The following TMEM144 variants were observed in gnomAD, a reference collection of about 807,000 sequenced individuals.
TMEM144 encodes the protein transmembrane protein 144.
A neutral mutation model predicts 43.6 loss-of-function variants in TMEM144; 39 were observed. The observed-to-expected ratio is 0.90, with a 90% CI of 0.69 to 1.17. The LOEUF (loss-of-function observed/expected upper bound fraction) is 1.17, where lower values mean the gene tolerates loss of function less well. Among genes scored for constraint, TMEM144 ranks in the 50% most tolerant of loss-of-function variants. TMEM144 has a pLI of 0.00. For missense variants in TMEM144, 417 were observed against 411.9 expected (o/e 1.01, Z -0.11); for synonymous variants, 154 against 133.6 (o/e 1.15, Z -1.06).
intron 7 of TMEM144, chr4:158,233,348 G>A (rs948898795): frequency 6.4e-6 from 1 of 156,428 alleles, no homozygotes; most frequent in Non-Finnish European, 1.4e-5. Flanking sequence ...TTGGTCCAGG[G>A]GAGAATAGAC....
chr4:158,233,608 C>T (rs778011288), intron 7 of TMEM144: 4 of 152,336 alleles, frequency 2.6e-5, no homozygotes, highest in Non-Finnish European at 5.9e-5. Flanking sequence ...TGAACCCAGG[C>T]TCTAATCCTT....
intron 6 of TMEM144, among the ~76,000 whole-genome samples, chr4:158,221,394 C>T (rs1262298679): frequency 6.6e-6 from 1 of 152,144 alleles, no homozygotes; most frequent in African/African-American, 2.4e-5. Context: ...GCAAGTGCCT[C>T]CCCCTGGCAG....
chr4:158,226,785 G>A (rs1734792886), intron 6 of TMEM144, among the ~76,000 whole-genome samples: 1 of 151,800 alleles, frequency 6.6e-6, no homozygotes, highest in Non-Finnish European at 1.5e-5. Flanking sequence ...TTAACTTTCT[G>A]ACTTATTACA....
chr4:158,248,093 A>G (rs1204957743), intron 12 of TMEM144, among the ~76,000 whole-genome samples: 1 of 150,664 alleles, frequency 6.6e-6, no homozygotes, highest in East Asian at 1.9e-4. Flanking sequence ...TATTAAAAGA[A>G]GAGAGAGGGC....
intron 12 of TMEM144, among the ~76,000 whole-genome samples, chr4:158,251,777 C>G (rs890901811): frequency 1.3e-5 from 2 of 152,122 alleles, no homozygotes; most frequent in African/African-American, 4.8e-5. Context: ...ATATTCCACC[C>G]CTCGGCTAAA....
chr4:158,253,558 G>A lies in TMEM144; in HGVS notation c.*31G>A. 1 of 1,571,414 alleles carries A rather than the reference G, an allele frequency of 6.4e-7. No homozygotes were observed. The highest frequency in any genetic ancestry group is 2.2e-5 in the East Asian group (1 of 44,648). ...ACAAAACCAGCAGGTGGCAGCAGTAGTTAAGAGAACGCGTCTATCGGACAG... is the reference window on the plus strand; with the variant it reads ...ACAAAACCAGCAGGTGGCAGCAGTAATTAAGAGAACGCGTCTATCGGACAG... On this transcript the variant is annotated 3_prime_UTR_variant, in exon 13 of 13. Coordinates refer to ENST00000296529, the MANE Select transcript of TMEM144 (RefSeq NM_018342.5).
At chr4:158,236,071 T>C (rs938517392) in intron 8 of TMEM144, among the ~76,000 whole-genome samples, 2 of 152,236 alleles carry the variant, frequency 1.3e-5, no homozygotes, top group Non-Finnish European at 2.9e-5. Flanking sequence ...TGTTCTGTTT[T>C]TTGGACTTCC....
intron 6 of TMEM144, among the ~76,000 whole-genome samples, chr4:158,227,827 C>T (rs1734851545): frequency 6.7e-6 from 1 of 149,600 alleles, no homozygotes; most frequent in Non-Finnish European, 1.5e-5. Flanking sequence ...CAATGCTGGC[C>T]AGTCTACTTT....
At chr4:158,217,553 A>G (rs1232857601) in intron 5 of TMEM144, 133 bp downstream of exon 5, 2 of 608,458 alleles carry the variant, frequency 3.3e-6, no homozygotes, top group Non-Finnish European at 5.8e-6. Context: ...TACACATCAT[A>G]TATGCCACCT....
At chr4:158,222,045 T>C (rs1734533810) in intron 6 of TMEM144, among the ~76,000 whole-genome samples, 1 of 152,220 alleles carries the variant, frequency 6.6e-6, no homozygotes, top group Non-Finnish European at 1.5e-5. Context: ...TCATCTTTAT[T>C]TTTTTCCCTT....
intron 4 of TMEM144, 133 bp downstream of exon 4, chr4:158,215,446 TTTC>T (rs1734176970): frequency 1.8e-6 from 2 of 1,129,992 alleles, no homozygotes; most frequent in Non-Finnish European, 2.4e-6. Context: ...AATTAACTAG[TTTC>T]TTGCCTTCAC....
rs762271404 is a variant in TMEM144, at chr4:158,232,946, G to A, written c.459G>A (p.Thr153=). ...TCAAAAGTGAAATACCAAATAACACGTGTTCCATGGATACCACTCCATTAA... is the reference window on the plus strand; with the variant it reads ...TCAAAAGTGAAATACCAAATAACACATGTTCCATGGATACCACTCCATTAA... The part of the protein sequence containing the change: ...LFIKSEIPNN[T]CSMDTTPLIT... Residue 153 remains threonine (T), a synonymous_variant, in exon 7 of 13, where the codon ACG becomes ACA. Coordinates refer to ENST00000296529, the MANE Select transcript of TMEM144 (RefSeq NM_018342.5). 42 of 1,611,410 alleles carry A rather than the reference G, an allele frequency of 2.6e-5. No individual in the cohort carries two copies. Among genetic ancestry groups the A allele is most frequent in the Middle Eastern group, 1.7e-4 (1 of 6,044 alleles).
At chr4:158,212,079 C>T (rs1279871234) in intron 2 of TMEM144, 3 of 152,146 alleles carry the variant, frequency 2.0e-5, no homozygotes, top group Non-Finnish European at 2.9e-5. Context: ...TTCCAAAGGG[C>T]CAGTGTGCAA....
Position 158,219,290 on chromosome 4 carries a change from G to A in TMEM144, c.333-20G>A. 3 of 1,612,706 alleles carry A rather than the reference G, an allele frequency of 1.9e-6. No homozygotes were observed. The highest frequency in any genetic ancestry group is 2.5e-6 in the Non-Finnish European group (3 of 1,178,888). On this transcript the variant is annotated intron_variant, in intron 5 of 12. Coordinates refer to ENST00000296529, the MANE Select transcript of TMEM144 (RefSeq NM_018342.5). The stretch of plus-strand genomic sequence containing the variant: ...ACATCTTAACAATATTTAATTTGAT[G>A]TGACTTTCTGGATTTTCAGGTTTGG...
intron 12 of TMEM144, 139 bp from the exon 13 acceptor site, chr4:158,253,305 G>T: frequency 1.6e-6 from 1 of 628,216 alleles, no homozygotes; most frequent in Non-Finnish European, 2.7e-6. Flanking sequence ...GTGAGAACCT[G>T]ATTACTTGGA....
intron 6 of TMEM144, among the ~76,000 whole-genome samples, chr4:158,228,181 C>A (rs1054809587): frequency 6.6e-6 from 1 of 152,224 alleles, no homozygotes; most frequent in African/African-American, 2.4e-5. Context: ...CGTGGGTGAT[C>A]AGGCCACGCT....
At position 158,249,626 on chromosome 4, in the gene TMEM144, T is replaced by C. The variant is rs77398421; in HGVS notation, c.955-3818T>C. On this transcript the variant is annotated intron_variant, in intron 12 of 12. Coordinates refer to ENST00000296529, the MANE Select transcript of TMEM144 (RefSeq NM_018342.5). ...TGAGAACATTATTCTTCTGTCTACA[T>C]AGGTAATAAAATAGCGCTTAGCAAT... 5.5e-3 allele frequency among the ~76,000 whole-genome samples: 843 copies of C among 152,326 alleles called. 9 individuals carry two copies. The highest frequency in any genetic ancestry group is 0.019 in the African/African-American group (809 of 41,566).
intron 3 of TMEM144, 109 bp from the exon 4 acceptor site, chr4:158,215,082 G>C: frequency 7.4e-7 from 1 of 1,356,100 alleles, no homozygotes; most frequent in Non-Finnish European, 1.0e-6. Flanking sequence ...ATGGCATATG[G>C]CATTTAATAA....
chr4:158,225,683 A>T (rs1173159791), intron 6 of TMEM144, among the ~76,000 whole-genome samples: 1 of 152,266 alleles, frequency 6.6e-6, no homozygotes, highest in East Asian at 1.9e-4. Context: ...CAGAGTGCCC[A>T]GTAAAGGTCC....
Sources: allele counts gnomAD v4.1 joint callset (sites outside exome capture counted in the v4.1 genomes callset), GRCh38; gene constraint gnomAD v4.1.1; transcripts MANE v1.5; gene names NCBI Gene and HGNC (gene_info 2026-07-23, HGNC 2026-07-21).